Variants in BACH2 observed in about 807,000 individuals in gnomAD.
BACH2 encodes BACH transcriptional regulator 2.
Under a neutral mutation model 61.8 loss-of-function variants are expected in BACH2, and 5 were observed. The ratio of observed to expected loss-of-function variants is 0.08; its 90% CI spans 0.04 to 0.17. The LOEUF (loss-of-function observed/expected upper bound fraction) is 0.17, where lower values mean the gene tolerates loss of function less well. BACH2 is among the 10% of genes least tolerant of loss of function. BACH2 has a pLI of 1.00. For synonymous variants in BACH2, 446 were observed against 440.1 expected (o/e 1.01, Z -0.17); for missense variants, 824 against 1,091.1 (o/e 0.76, Z 3.45).
chr6:90,123,696 G>A (rs1002363663), intron 4 of BACH2, among the ~76,000 whole-genome samples: 3 of 148,260 alleles, frequency 2.0e-5, no homozygotes, highest in African/African-American at 7.5e-5. Context: ...CGTGAACCCG[G>A]GAGGCGGAGC....
intron 5 of BACH2, among the ~76,000 whole-genome samples, chr6:90,015,852 A>G (rs1345271389): frequency 6.6e-6 from 1 of 152,194 alleles, no homozygotes; most frequent in Non-Finnish European, 1.5e-5. Context: ...TCATGTATTG[A>G]GAAGGAGTAC....
chr6:90,071,205 C>A (rs1026270881), intron 5 of BACH2, among the ~76,000 whole-genome samples: 1 of 152,218 alleles, frequency 6.6e-6, no homozygotes, highest in South Asian at 2.1e-4. Flanking sequence ...CTAAGTACTG[C>A]AGAGTCTAAT....
At chr6:90,077,223 T>A (rs972727209) in intron 5 of BACH2, among the ~76,000 whole-genome samples, 1 of 152,156 alleles carries the variant, frequency 6.6e-6, no homozygotes, top group Non-Finnish European at 1.5e-5. Context: ...GTCTAATTTA[T>A]CACCTTCTCT....
rs1320750535 is a variant in BACH2, at chr6:89,952,114, A to AAG, written c.244-254_244-253dup. 6 of 536,980 alleles carry AAG rather than the reference A, an allele frequency of 1.1e-5. No homozygotes were observed. The Admixed American group carries it at 2.0e-4, about 18-fold the overall frequency. The allele number at this position is 536,980 out of a possible 1,614,324, so 33.3% of individuals were successfully genotyped here. On this transcript the variant is annotated intron_variant, in intron 6 of 8. Transcript: ENST00000257749. Reference sequence around the variant, plus strand: ...AATCACCAGGGTCAAGTGGCTAAACAAGATGACAACGGGTTCAGTGTTTAC... The same window carrying AAG: ...AATCACCAGGGTCAAGTGGCTAAACAAGAGATGACAACGGGTTCAGTGTTTAC...
At chr6:90,290,333 T>C (rs1222407882) in intron 1 of BACH2, among the ~76,000 whole-genome samples, 1 of 152,212 alleles carries the variant, frequency 6.6e-6, no homozygotes, top group Non-Finnish European at 1.5e-5. Context: ...TACTAACTGA[T>C]CAGTGCCATT....
intron 2 of BACH2, among the ~76,000 whole-genome samples, chr6:90,270,828 A>G (rs569115973): frequency 2.0e-5 from 3 of 152,334 alleles, no homozygotes; most frequent in African/African-American, 7.2e-5. Flanking sequence ...TTCCAACTAT[A>G]CTACAAGGCT....
intron 3 of BACH2, among the ~76,000 whole-genome samples, chr6:90,223,964 T>G (rs1434633222): frequency 6.6e-6 from 1 of 152,224 alleles, no homozygotes; most frequent in Non-Finnish European, 1.5e-5. Context: ...TATCTGAAAC[T>G]GAGAAACGAA....
In BACH2 at chr6:89,989,675, A is replaced by C. The variant is rs534363129; in HGVS notation, c.243+18927T>G. Among the ~76,000 whole-genome samples, 8 of 152,346 alleles carry C rather than the reference A, an allele frequency of 5.3e-5. No homozygotes were observed. In the South Asian group the frequency reaches 1.7e-3, roughly 32 times the overall value. ...TCTACTAAGGGCCCAAGTTGTCCCC[A>C]TGTCAAATACATTCTCTGAAGTCCA... On this transcript the variant is annotated intron_variant, in intron 6 of 8. Coordinates refer to ENST00000257749, the MANE Select transcript of BACH2 (RefSeq NM_021813.4).
chr6:89,960,606 G>A (rs901031018), intron 6 of BACH2, among the ~76,000 whole-genome samples: 5 of 152,220 alleles, frequency 3.3e-5, no homozygotes, highest in African/African-American at 4.8e-5. Flanking sequence ...TCCTCCTGAA[G>A]GATGAAGATA....
intron 1 of BACH2, among the ~76,000 whole-genome samples, chr6:90,293,550 G>C (rs556976120): frequency 6.6e-6 from 1 of 152,232 alleles, no homozygotes; most frequent in African/African-American, 2.4e-5. Context: ...TGTGCAGACA[G>C]TGGGCCCAGA....
At chr6:90,025,459 C>T (rs1778587633) in intron 5 of BACH2, among the ~76,000 whole-genome samples, 1 of 152,180 alleles carries the variant, frequency 6.6e-6, no homozygotes, top group Non-Finnish European at 1.5e-5. Flanking sequence ...CATTTATATT[C>T]ACTTCTCATA....
At chr6:89,961,395 T>C (rs176713) in intron 6 of BACH2, among the ~76,000 whole-genome samples, 19,294 of 152,116 alleles carry the variant, frequency 0.13, 1,386 homozygotes, top group African/African-American at 0.18. Flanking sequence ...TATGGTTTCA[T>C]TCGAAAAACT....
intron 3 of BACH2, among the ~76,000 whole-genome samples, chr6:90,250,181 T>C (rs1198335332): frequency 6.6e-6 from 1 of 152,188 alleles, no homozygotes; most frequent in African/African-American, 2.4e-5. Context: ...GGTGACCAGA[T>C]CTGAATGAAA....
chr6:90,025,684 G>A (rs570795771), intron 5 of BACH2, among the ~76,000 whole-genome samples: 1 of 152,266 alleles, frequency 6.6e-6, no homozygotes, highest in South Asian at 2.1e-4. Context: ...TGATTAGGAG[G>A]CTAAATGAGG....
At chr6:90,082,420 T>G (rs1781761893) in intron 5 of BACH2, among the ~76,000 whole-genome samples, 1 of 152,034 alleles carries the variant, frequency 6.6e-6, no homozygotes, top group Non-Finnish European at 1.5e-5. Flanking sequence ...TCTGTTCTTA[T>G]AAGAGCTGAT....
At chr6:90,290,318 TCTGTTA>T (rs1015649086) in intron 1 of BACH2, among the ~76,000 whole-genome samples, 1 of 152,236 alleles carries the variant, frequency 6.6e-6, no homozygotes, top group Non-Finnish European at 1.5e-5. Context: ...CAGTGGGTTA[TCTGTTA>T]CTAACTGATC....
In BACH2 at chr6:90,247,429, A is replaced by G. The variant is rs1430489401; in HGVS notation, c.-275+5084T>C. Among the ~76,000 whole-genome samples the G allele has an allele frequency of 3.3e-5, 5 of 150,810 alleles. No individual in the cohort carries two copies. In the South Asian group the frequency reaches 8.4e-4, roughly 25 times the overall value. Reference sequence around the variant, plus strand: ...TTTTTTTTTGAGATGGGGTCTTGCTATGTTGCCCAGGCTGGTCTTGAACTC... The same window carrying G: ...TTTTTTTTTGAGATGGGGTCTTGCTGTGTTGCCCAGGCTGGTCTTGAACTC... On this transcript the variant is annotated intron_variant, in intron 3 of 8. Transcript: ENST00000257749.
At chr6:89,946,576 C>T (rs1402907187) in intron 7 of BACH2, among the ~76,000 whole-genome samples, 2 of 152,168 alleles carry the variant, frequency 1.3e-5, no homozygotes, top group Admixed American at 6.5e-5. Context: ...TAAGTGACAG[C>T]TGAATGAACT....
chr6:90,295,629 C>T (rs1772323156), intron 1 of BACH2, among the ~76,000 whole-genome samples: 1 of 150,962 alleles, frequency 6.6e-6, no homozygotes, highest in African/African-American at 2.5e-5. Context: ...GGTGAAGCTT[C>T]TGGGGCTTGG....
Sources: allele counts gnomAD v4.1 joint callset (sites outside exome capture counted in the v4.1 genomes callset), GRCh38; gene constraint gnomAD v4.1.1; transcripts MANE v1.5; gene names NCBI Gene and HGNC (gene_info 2026-07-23, HGNC 2026-07-21).